Variants in PRKG2 observed in about 807,000 individuals in gnomAD.
PRKG2 encodes the protein protein kinase cGMP-dependent 2.
Under a neutral mutation model 97.2 loss-of-function variants are expected in PRKG2, and 33 were observed. The ratio of observed to expected loss-of-function variants is 0.34; its 90% CI spans 0.26 to 0.45. The LOEUF is 0.45. Ranked by LOEUF, PRKG2 falls within the 20% of genes least tolerant of loss-of-function variation. The pLI, the probability that PRKG2 is intolerant of heterozygous loss-of-function variation, is 1.00. For missense variants in PRKG2, 638 were observed against 900.0 expected, an observed-to-expected ratio of 0.71 and a Z score of 3.73; for synonymous variants, 330 against 321.8, an observed-to-expected ratio of 1.03 and a Z score of -0.27.
intron 2 of PRKG2, among the ~76,000 whole-genome samples, chr4:81,180,783 T>C (rs569409719): frequency 1.4e-3 from 164 of 119,766 alleles, no homozygotes; most frequent in African/African-American, 9.2e-3. Flanking sequence ...TTGAACTCAC[T>C]GATATTTTAA....
At chr4:81,143,023 CCTA>C (rs1414869695) in intron 10 of PRKG2, 76 bp from the exon 11 acceptor site, 62 of 1,443,868 alleles carry the variant, frequency 4.3e-5, no homozygotes, top group Admixed American at 6.5e-5. Flanking sequence ...AAATTTCACT[CCTA>C]CGACAGTCTA....
In PRKG2 at chr4:81,088,110, T is replaced by G. The variant is rs936389857; in HGVS notation, c.*1598A>C. The stretch of plus-strand genomic sequence containing the variant: ...AATCCTATTAAAAATGATTATTCTA[T>G]GTACAATACATAATCTTTAAAAATA... On this transcript the variant is annotated 3_prime_UTR_variant, in exon 19 of 19. Coordinates refer to ENST00000264399, the MANE Select transcript of PRKG2 (RefSeq NM_006259.3). The G allele has an allele frequency of 2.0e-5, 3 of 152,160 alleles. No homozygotes were observed. The highest frequency in any genetic ancestry group is 4.8e-5 in the African/African-American group (2 of 41,464). The allele number at this position is 152,160 out of a possible 1,614,324, so 9.4% of individuals were successfully genotyped here.
intron 12 of PRKG2, 131 bp from the exon 13 acceptor site, chr4:81,137,613 A>C: frequency 1.5e-6 from 1 of 674,826 alleles, no homozygotes; most frequent in Non-Finnish European, 2.6e-6. Flanking sequence ...CCACAACTAC[A>C]CTGGGCTTCT....
chr4:81,205,096 G>A, intron 1 of PRKG2, 36 bp from the exon 2 acceptor site: 1 of 1,356,806 alleles, frequency 7.4e-7, no homozygotes, highest in Non-Finnish European at 1.0e-6. Flanking sequence ...ATCAAGTGGA[G>A]TTTCACTTCC....
intron 18 of PRKG2, 54 bp downstream of exon 18, chr4:81,092,332 A>G (rs1208219382): frequency 1.0e-5 from 13 of 1,268,494 alleles, no homozygotes; most frequent in African/African-American, 1.5e-5. Context: ...AAATCTGTGT[A>G]CAAAAACAAA....
chr4:81,135,383 G>A, intron 13 of PRKG2, 87 bp from the exon 14 acceptor site: 1 of 1,335,920 alleles, frequency 7.5e-7, no homozygotes. Flanking sequence ...TGGATTGGCA[G>A]GTTTATGCAA....
intron 14 of PRKG2, among the ~76,000 whole-genome samples, chr4:81,122,867 G>A (rs1044273735): frequency 5.9e-5 from 9 of 152,134 alleles, no homozygotes; most frequent in African/African-American, 4.8e-5. Context: ...GCCACAGGGC[G>A]CACCCCACCC....
chr4:81,211,013 G>A (rs788864), intron 1 of PRKG2, among the ~76,000 whole-genome samples: 58,673 of 151,910 alleles, frequency 0.39, 13,470 homozygotes, highest in African/African-American at 0.65. Flanking sequence ...GGAGACCATA[G>A]AAAGATCAGT....
intron 1 of PRKG2, among the ~76,000 whole-genome samples, chr4:81,206,542 G>A (rs1028686997): frequency 2.0e-5 from 3 of 152,064 alleles, no homozygotes; most frequent in African/African-American, 4.8e-5. Context: ...CCAGTCTCAG[G>A]TATGTCTTTA....
chr4:81,159,746 T>G (rs547699634), intron 6 of PRKG2, among the ~76,000 whole-genome samples: 3,037 of 151,878 alleles, frequency 0.02, 61 homozygotes, highest in Non-Finnish European at 0.028. Flanking sequence ...TAAGAAAATG[T>G]GGCACATATA....
intron 4 of PRKG2, 121 bp downstream of exon 4, chr4:81,171,570 T>A (rs1363886969): frequency 2.3e-5 from 15 of 646,564 alleles, no homozygotes; most frequent in Non-Finnish European, 3.7e-5. Flanking sequence ...GCATTTCTAT[T>A]ATAAGAACAT....
At chr4:81,156,918 G>A (rs1749153074) in intron 6 of PRKG2, among the ~76,000 whole-genome samples, 1 of 152,052 alleles carries the variant, frequency 6.6e-6, no homozygotes, top group Admixed American at 6.5e-5. Context: ...TCTCTGGGAT[G>A]CATTCAAAGC....
intron 2 of PRKG2, among the ~76,000 whole-genome samples, chr4:81,193,787 C>T (rs1752762383): frequency 6.6e-6 from 1 of 152,162 alleles, no homozygotes; most frequent in Non-Finnish European, 1.5e-5. Flanking sequence ...TTGCAGTGAG[C>T]TGAGATCACA....
rs780927194 is a variant in PRKG2 at position 81,204,633 on chromosome 4, G to C, written c.415C>G (p.Pro139Ala). 1.9e-6 allele frequency: 3 copies of C among 1,614,142 alleles called. No homozygotes were observed. Among genetic ancestry groups the C allele is most frequent in the Non-Finnish European group, 1.7e-6 (2 of 1,180,020 alleles). Residue 139 changes from proline to alanine, a missense_variant, in exon 2 of 19, where the codon CCC becomes GCC. By Grantham distance (27) the Pro-to-Ala change is conservative. Around this residue, in one of 3 missense-constraint regions of PRKG2, gnomAD observed 332 missense variants for 421.7 expected, o/e 0.79. Transcript: ENST00000264399. ...PTTRTYDLNK[P>A]PEFSFEKARV... ...GCTTTCTCAAAGGAAAATTCAGGGG[G>C]TTTGTTCAGGTCATAGGTCCGGGTT...
chr4:81,101,716 T>C (rs1409459971), intron 17 of PRKG2, among the ~76,000 whole-genome samples: 3 of 102,576 alleles, frequency 2.9e-5, no homozygotes, highest in Admixed American at 1.9e-4. Flanking sequence ...TAAAATATAA[T>C]AAAAAAAAAG....
chr4:81,093,390 CACACACACACACACAA>C lies in PRKG2; in HGVS notation c.2127-954_2127-939del, dbSNP rs369538778. Among the ~76,000 whole-genome samples, 915 of 151,332 alleles carry C rather than the reference CACACACACACACACAA, an allele frequency of 6.0e-3. 10 individuals carry two copies. The highest frequency in any genetic ancestry group is 0.021 in the African/African-American group (875 of 40,890). On this transcript the variant is annotated intron_variant, in intron 17 of 18. Coordinates refer to ENST00000264399, the MANE Select transcript of PRKG2 (RefSeq NM_006259.3). ...ACACACACACACACACACACACACA[CACACACACACACACAA>C]GCTTCTTATCCTCCTTCCCTACTTT...
At chr4:81,213,311 T>TA (rs1356269399) in intron 1 of PRKG2, among the ~76,000 whole-genome samples, 2 of 152,164 alleles carry the variant, frequency 1.3e-5, no homozygotes, top group Non-Finnish European at 2.9e-5. Flanking sequence ...AACATATAGG[T>TA]AATATCTGTG....
At chr4:81,151,769 C>G (rs1331027494) in intron 8 of PRKG2, among the ~76,000 whole-genome samples, 191 bp downstream of exon 8, 1 of 152,018 alleles carries the variant, frequency 6.6e-6, no homozygotes, top group Admixed American at 6.6e-5. Flanking sequence ...TTAAGATTTT[C>G]CAATTATTTC....
At chr4:81,115,090 C>A (rs1744379558) in intron 14 of PRKG2, among the ~76,000 whole-genome samples, 2 of 152,036 alleles carry the variant, frequency 1.3e-5, no homozygotes, top group Non-Finnish European at 2.9e-5. Flanking sequence ...AAAAATGCTT[C>A]TATTAACATC....
Sources: gnomAD v4.1 joint callset for allele counts (sites outside exome capture counted in the v4.1 genomes callset) on GRCh38, gnomAD v4.1.1 for gene constraint, gnomAD v4.1.1 regional missense constraint, MANE v1.5 for transcripts, NCBI Gene and HGNC (gene_info 2026-07-23, HGNC 2026-07-21) for gene names.